The following PREX2 variants were observed in gnomAD, a reference collection of about 807,000 sequenced individuals.
The protein encoded by PREX2 is phosphatidylinositol-3,4,5-trisphosphate dependent Rac exchange factor 2, also known as phosphatidylinositol 3,4,5-trisphosphate-dependent Rac exchanger 2 protein.
Under a neutral mutation model 203.2 loss-of-function variants are expected in PREX2, and 107 were observed. The ratio of observed to expected loss-of-function variants is 0.53; its 90% CI spans 0.45 to 0.62. PREX2 has a LOEUF of 0.62. PREX2 is among the 20% of genes least tolerant of loss of function. The probability of loss-of-function intolerance (pLI) is 0.00; values close to 1 mark genes in which losing one functional copy is unlikely to be tolerated. For synonymous variants in PREX2, 672 were observed against 663.6 expected (o/e 1.01, Z -0.19); for missense variants, 1,777 against 1,955.9 (o/e 0.91, Z 1.72).
At chr8:68,072,348 G>A in intron 13 of PREX2, 147 bp from the exon 14 acceptor site, 2 of 522,868 alleles carry the variant, frequency 3.8e-6, no homozygotes, top group South Asian at 2.7e-5. Flanking sequence ...TCTCTTATTT[G>A]CATGTAATTT....
At chr8:68,208,338 A>G (rs1463137301) in intron 37 of PREX2, among the ~76,000 whole-genome samples, 4 of 152,224 alleles carry the variant, frequency 2.6e-5, no homozygotes, top group African/African-American at 4.8e-5. Context: ...TACTCTAGAC[A>G]TGAAATAAGT....
intron 21 of PREX2, among the ~76,000 whole-genome samples, chr8:68,094,814 G>GAC (rs1398887928): frequency 1.3e-5 from 2 of 152,218 alleles, no homozygotes; most frequent in Admixed American, 1.3e-4. Flanking sequence ...TGTTAGCACA[G>GAC]ACACACAGGT....
intron 7 of PREX2, among the ~76,000 whole-genome samples, chr8:68,041,265 C>T (rs16934038): frequency 8.3e-4 from 127 of 152,138 alleles, no homozygotes; most frequent in East Asian, 5.4e-3. Context: ...GACACAAAAC[C>T]GATTGATTTA....
At chr8:67,952,628 G>C (rs538250367) in intron 1 of PREX2, 93 bp downstream of exon 1, 1 of 1,518,194 alleles carries the variant, frequency 6.6e-7, no homozygotes, top group East Asian at 2.5e-5. Flanking sequence ...CATTGTCTGT[G>C]CGGGGACCCG....
intron 1 of PREX2, among the ~76,000 whole-genome samples, chr8:67,979,941 G>A (rs916169387): frequency 1.3e-5 from 2 of 152,132 alleles, no homozygotes; most frequent in African/African-American, 2.4e-5. Flanking sequence ...TACCAGACAT[G>A]TAGACAGACA....
chr8:68,033,650 A>G (rs1173886247), intron 6 of PREX2, among the ~76,000 whole-genome samples: 1 of 152,144 alleles, frequency 6.6e-6, no homozygotes, highest in Non-Finnish European at 1.5e-5. Flanking sequence ...AATAAGCTCA[A>G]ATAATTTTTT....
intron 8 of PREX2, among the ~76,000 whole-genome samples, chr8:68,047,390 A>G (rs1279066936): frequency 1.3e-5 from 2 of 150,356 alleles, no homozygotes; most frequent in Admixed American, 6.7e-5. Context: ...AACAGATACT[A>G]TCAGGCTCAT....
chr8:68,077,193 T>G (rs983813093), intron 14 of PREX2, among the ~76,000 whole-genome samples: 4 of 152,236 alleles, frequency 2.6e-5, no homozygotes, highest in African/African-American at 9.6e-5. Flanking sequence ...TATTAAATCT[T>G]TGTTTTACTT....
rs188396058 is a variant in PREX2, at chr8:67,959,486, A to G, written c.141+6951A>G. Among the ~76,000 whole-genome samples the G allele has an allele frequency of 5.0e-4, 76 of 152,300 alleles. 1 individual carries two copies. The highest frequency in any genetic ancestry group is 6.8e-3 in the Middle Eastern group (2 of 294). On this transcript the variant is annotated intron_variant, in intron 1 of 39. Coordinates refer to ENST00000288368, the MANE Select transcript of PREX2 (RefSeq NM_024870.4). ...ATGGGTAAGGCAGATGAGCCTAGCC[A>G]AGGGTAGAGAGACAATAAAAAGGGA... is the stretch of plus-strand genomic sequence containing the variant.
chr8:68,023,050 GGT>G (rs1001273552), intron 4 of PREX2, among the ~76,000 whole-genome samples: 1 of 152,112 alleles, frequency 6.6e-6, no homozygotes, highest in Non-Finnish European at 1.5e-5. Context: ...AATTGGGTCT[GGT>G]TCCAGTTTGG....
chr8:68,119,039 G>A (rs1335854668), intron 27 of PREX2, among the ~76,000 whole-genome samples: 1 of 152,084 alleles, frequency 6.6e-6, no homozygotes, highest in Non-Finnish European at 1.5e-5. Context: ...TGGATGTTGA[G>A]GATTGAGGGT....
At chr8:68,098,286 AAT>A (rs1248595759) in intron 22 of PREX2, among the ~76,000 whole-genome samples, 1 of 152,188 alleles carries the variant, frequency 6.6e-6, no homozygotes, top group Non-Finnish European at 1.5e-5. Flanking sequence ...TGTTGTTTAA[AAT>A]ATGAATAGTT....
At chr8:68,223,941 G>C (rs1036852435) in intron 38 of PREX2, among the ~76,000 whole-genome samples, 1 of 152,196 alleles carries the variant, frequency 6.6e-6, no homozygotes, top group African/African-American at 2.4e-5. Flanking sequence ...TTCCAGAAAA[G>C]TGGTAACACA....
chr8:68,012,859 G>T (rs950781500), intron 1 of PREX2, among the ~76,000 whole-genome samples: 1 of 152,266 alleles, frequency 6.6e-6, no homozygotes, highest in African/African-American at 2.4e-5. Context: ...CACTACAAAG[G>T]TTTATTTTAA....
At chr8:68,144,910 T>G (rs13251311) in intron 33 of PREX2, among the ~76,000 whole-genome samples, 80,563 of 151,982 alleles carry the variant, frequency 0.53, 21,897 homozygotes, top group African/African-American at 0.64. Flanking sequence ...TGTATCATTA[T>G]CACTATTTTT....
At chr8:68,026,051 A>C (rs1193709581) in intron 4 of PREX2, among the ~76,000 whole-genome samples, 4 of 152,106 alleles carry the variant, frequency 2.6e-5, no homozygotes, top group African/African-American at 9.7e-5. Context: ...CTGGGGGAAA[A>C]TACCATATAT....
rs138470899 is a variant in PREX2, at chr8:68,093,052, A to G, written c.2251-553A>G. 6.8e-4 allele frequency among the ~76,000 whole-genome samples: 103 copies of G among 152,306 alleles called. No individual in the cohort carries two copies. In the East Asian group the frequency reaches 0.015, roughly 23 times the overall value. ...GAATATATCCTATTTAAAAACATAC[A>G]TCTTTGGAACATATCTTAGAAGATA... is the stretch of plus-strand genomic sequence containing the variant. On this transcript the variant is annotated intron_variant, in intron 20 of 39. Transcript: ENST00000288368.
intron 37 of PREX2, among the ~76,000 whole-genome samples, chr8:68,196,473 A>G (rs1394922342): frequency 6.8e-6 from 1 of 147,090 alleles, no homozygotes; most frequent in Non-Finnish European, 1.5e-5. Context: ...CACTATATAT[A>G]TGTACATATA....
At chr8:68,196,024 A>G (rs72662924) in intron 37 of PREX2, among the ~76,000 whole-genome samples, 12,590 of 152,202 alleles carry the variant, frequency 0.083, 562 homozygotes, top group Middle Eastern at 0.15. Flanking sequence ...GTAGGAATAG[A>G]ATTCAGGATG....
Sources: gnomAD v4.1 joint callset for allele counts (sites outside exome capture counted in the v4.1 genomes callset) on GRCh38, gnomAD v4.1.1 for gene constraint, MANE v1.5 for transcripts, NCBI Gene and HGNC (gene_info 2026-07-23, HGNC 2026-07-21) for gene names.